ATP2B1: variants seen among roughly 807,000 people sequenced by gnomAD.
ATP2B1 encodes ATPase plasma membrane Ca2+ transporting 1.
In ATP2B1, 14 loss-of-function variants were observed where a neutral mutation model predicts 124.2. The ratio of observed to expected loss-of-function variants is 0.11; its 90% CI spans 0.07 to 0.18. The LOEUF (loss-of-function observed/expected upper bound fraction) is 0.18. ATP2B1 is among the 10% of genes least tolerant of loss of function. The pLI is 1.00. For missense variants in ATP2B1, 763 were observed against 1,466.1 expected (o/e 0.52, Z 7.83); for synonymous variants, 449 against 492.4 (o/e 0.91, Z 1.17).
In ATP2B1 at chr12:89,603,656, G is replaced by A. The variant is rs193145944; in HGVS notation, c.2848+56C>T. On this transcript the variant is annotated intron_variant, in intron 17 of 20. Coordinates refer to ENST00000428670, the MANE Select transcript of ATP2B1 (RefSeq NM_001366521.1). This position sits in a 1 kb window ranked among gnomAD's most constrained non-coding sequence, Gnocchi z 4.3. The stretch of plus-strand genomic sequence containing the variant: ...TTTGTAACATTATAACATCTTGGAT[G>A]ATTAGCTTGGAAAAGAAACAATTAA... 1,493 of 1,538,196 alleles carry A rather than the reference G, an allele frequency of 9.7e-4. 5 individuals carry two copies. Among genetic ancestry groups the A allele is most frequent in the Non-Finnish European group, 9.1e-4 (1,017 of 1,114,362 alleles).
At chr12:89,694,790 C>CTCACGCCTGTA (rs1246615970) in intron 1 of ATP2B1, among the ~76,000 whole-genome samples, 1 of 152,172 alleles carries the variant, frequency 6.6e-6, no homozygotes. Context: ...GGCGCAGTGG[C>CTCACGCCTGTA]TCACGCCTGT....
rs1342704448 is a variant in ATP2B1, at chr12:89,588,135, T to TA, written c.*2848dup. The TA allele has an allele frequency of 6.5e-6, 1 of 152,738 alleles. No individual in the cohort carries two copies. Among genetic ancestry groups the TA allele is most frequent in the Non-Finnish European group, 1.5e-5 (1 of 68,002 alleles). The allele number at this position is 152,738 out of a possible 1,614,324, so 9.5% of individuals were successfully genotyped here. A position where few individuals can be genotyped will look rare whatever the true frequency, so the allele number is the denominator to read the frequency against. ...GACAAATAATAAAAGGCTCAGTGGC[T>TA]AAAATAGATGGTAAGCATCATTGAA... On this transcript the variant is annotated 3_prime_UTR_variant, in exon 21 of 21. Transcript: ENST00000428670.
At chr12:89,663,012 G>C (rs1368432120) in intron 1 of ATP2B1, among the ~76,000 whole-genome samples, 1 of 152,198 alleles carries the variant, frequency 6.6e-6, no homozygotes, top group East Asian at 1.9e-4. Context: ...CCAGTGAACT[G>C]TAACTCATGG....
intron 1 of ATP2B1, among the ~76,000 whole-genome samples, chr12:89,688,902 T>G (rs1006117068): frequency 6.6e-6 from 1 of 152,138 alleles, no homozygotes; most frequent in African/African-American, 2.4e-5. Flanking sequence ...TTGCCATCCG[T>G]AAGCTTAGGG....
In ATP2B1 at chr12:89,620,193, A is replaced by G; in HGVS notation, c.1635T>C (p.Thr545=). 2 of 1,614,114 alleles carry G rather than the reference A, an allele frequency of 1.2e-6. No individual in the cohort carries two copies. Among genetic ancestry groups the G allele is most frequent in the South Asian group, 1.1e-5 (1 of 91,086 alleles). Residue 545 remains threonine, a synonymous_variant, in exon 11 of 21, where the codon ACT becomes ACC. Coordinates refer to ENST00000428670, the MANE Select transcript of ATP2B1 (RefSeq NM_001366521.1). ...AAAGAAGTCCCAACAAGGCACATTC[A>G]GTTTTATTACCAACGTGACGAGGTA... The part of the protein sequence containing the change: ...GGLPRHVGNK[T]ECALLGLLLD...
rs1873016422 is a variant in ATP2B1, at chr12:89,588,502, C to T, written c.*2482G>A. On this transcript the variant is annotated 3_prime_UTR_variant, in exon 21 of 21. Transcript: ENST00000428670. Reference sequence around the variant, plus strand: ...TAAAAGAGAAAAAGTGATTGAATTACAGATTTCAGCTATACATACTATATA... The same window carrying T: ...TAAAAGAGAAAAAGTGATTGAATTATAGATTTCAGCTATACATACTATATA... 1 of 152,528 alleles carries T rather than the reference C, an allele frequency of 6.6e-6. No homozygotes were observed. The highest frequency in any genetic ancestry group is 1.5e-5 in the Non-Finnish European group (1 of 67,986). 9.4% of individuals were successfully genotyped at this position (152,528 alleles called of 1,614,324 possible). A position where few individuals can be genotyped will look rare whatever the true frequency, so the allele number is the denominator to read the frequency against.
chr12:89,657,061 T>C (rs959147665), intron 1 of ATP2B1, among the ~76,000 whole-genome samples: 4 of 152,284 alleles, frequency 2.6e-5, no homozygotes, highest in African/African-American at 9.6e-5. Context: ...CTCCTCTCCA[T>C]ACAATCACCT....
intron 1 of ATP2B1, among the ~76,000 whole-genome samples, chr12:89,695,625 C>T: frequency 6.6e-6 from 1 of 151,904 alleles, no homozygotes; most frequent in East Asian, 1.9e-4. Context: ...TGTCAAACTT[C>T]TGAAGTTTTC....
chr12:89,675,214 G>C (rs1888460633), intron 1 of ATP2B1, among the ~76,000 whole-genome samples: 1 of 152,146 alleles, frequency 6.6e-6, no homozygotes, highest in African/African-American at 2.4e-5. Flanking sequence ...AAAGGGAAAA[G>C]ATCCCGTCTA....
rs1873027965 is a variant in ATP2B1 at position 89,588,545 on chromosome 12, T to TCAAAGATCCA, written c.*2438_*2439insTGGATCTTTG. 2 of 152,600 alleles carry TCAAAGATCCA rather than the reference T, an allele frequency of 1.3e-5. No individual in the cohort carries two copies. Among genetic ancestry groups the TCAAAGATCCA allele is most frequent in the Non-Finnish European group, 2.9e-5 (2 of 68,006 alleles). The allele number at this position is 152,600 out of a possible 1,614,324, so 9.5% of individuals were successfully genotyped here. A position where few individuals can be genotyped will look rare whatever the true frequency, so the allele number is the denominator to read the frequency against. Reference sequence around the variant, plus strand: ...ACTATATAATGGGATCCAAGATCTTTAACAGCTTGCTTGCATTTTTTTCTA... The same window carrying TCAAAGATCCA: ...ACTATATAATGGGATCCAAGATCTTTCAAAGATCCAAACAGCTTGCTTGCATTTTTTTCTA... On this transcript the variant is annotated 3_prime_UTR_variant, in exon 21 of 21. Transcript: ENST00000428670.
At chr12:89,600,320 A>G (rs1314094177) in intron 19 of ATP2B1, among the ~76,000 whole-genome samples, 1 of 152,224 alleles carries the variant, frequency 6.6e-6, no homozygotes, top group African/African-American at 2.4e-5. Flanking sequence ...GCCATAATAT[A>G]TATTAACCTT....
At chr12:89,630,962 G>C (rs1324354674) in intron 5 of ATP2B1, among the ~76,000 whole-genome samples, 1 of 151,460 alleles carries the variant, frequency 6.6e-6, no homozygotes, top group Non-Finnish European at 1.5e-5. Flanking sequence ...TGTAGAGACA[G>C]GGTCTCACTA....
At chr12:89,696,190 A>G (rs945940992) in intron 1 of ATP2B1, among the ~76,000 whole-genome samples, 1 of 152,242 alleles carries the variant, frequency 6.6e-6, no homozygotes, top group Non-Finnish European at 1.5e-5. Context: ...AGTAAAGCAG[A>G]GACCTGGAAA....
chr12:89,675,669 C>A (rs1362794237), intron 1 of ATP2B1, among the ~76,000 whole-genome samples: 3 of 152,164 alleles, frequency 2.0e-5, no homozygotes, highest in African/African-American at 7.2e-5. Flanking sequence ...AGTGCTTTTA[C>A]TACATTCCAA....
chr12:89,605,352 G>A (rs556029676), intron 15 of ATP2B1, among the ~76,000 whole-genome samples: 1 of 152,284 alleles, frequency 6.6e-6, no homozygotes, highest in Admixed American at 6.5e-5. Flanking sequence ...GTGATATGAT[G>A]AAGGCTCTGC....
intron 1 of ATP2B1, among the ~76,000 whole-genome samples, chr12:89,674,659 T>G (rs1888403054): frequency 6.6e-6 from 1 of 152,188 alleles, no homozygotes; most frequent in East Asian, 1.9e-4. Context: ...GAGACTGGTA[T>G]TAATCAGCTT....
intron 1 of ATP2B1, among the ~76,000 whole-genome samples, chr12:89,687,379 C>G (rs1333620161): frequency 2.0e-5 from 3 of 152,114 alleles, no homozygotes; most frequent in Non-Finnish European, 4.4e-5. Context: ...GTAGGCTATA[C>G]CATCTAGGTT....
chr12:89,630,262 A>G (rs1461257365), intron 6 of ATP2B1, among the ~76,000 whole-genome samples: 2 of 152,218 alleles, frequency 1.3e-5, no homozygotes, highest in African/African-American at 4.8e-5. Context: ...GGGAGATTCT[A>G]CACCTAGAGA....
chr12:89,590,469 T>C lies in ATP2B1; in HGVS notation c.*515A>G, dbSNP rs1873355096. 6.6e-6 allele frequency: 1 copy of C among 152,330 alleles called. No homozygotes were observed. Among genetic ancestry groups the C allele is most frequent in the Non-Finnish European group, 1.5e-5 (1 of 67,938 alleles). The allele number at this position is 152,330 out of a possible 1,614,324, so 9.4% of individuals were successfully genotyped here. On this transcript the variant is annotated 3_prime_UTR_variant, in exon 21 of 21. Transcript: ENST00000428670. ...AGTATTTGAAGGACTAATTTTTCTCTGCATCAGTTATAAGGAAGCTTCCCA... is the reference window on the plus strand; with the variant it reads ...AGTATTTGAAGGACTAATTTTTCTCCGCATCAGTTATAAGGAAGCTTCCCA...
Sources: allele counts gnomAD v4.1 joint callset (sites outside exome capture counted in the v4.1 genomes callset), GRCh38; gene constraint gnomAD v4.1.1; non-coding constraint Gnocchi (gnomAD v3.1); transcripts MANE v1.5; gene names NCBI Gene and HGNC (gene_info 2026-07-23, HGNC 2026-07-21).